Variants in RBFOX1 observed in about 807,000 individuals in gnomAD.
The protein encoded by RBFOX1 is RNA binding protein fox-1 homolog 1.
A neutral mutation model predicts 57.7 loss-of-function variants in RBFOX1; 8 were observed. That is an observed-to-expected ratio of 0.14 (90% confidence interval 0.08 to 0.25). The LOEUF (loss-of-function observed/expected upper bound fraction) is 0.25, where lower values mean the gene tolerates loss of function less well. Among genes scored for constraint, RBFOX1 ranks in the 10% least tolerant of loss-of-function variants. RBFOX1 has a pLI of 1.00. For missense variants in RBFOX1, 611 were observed against 548.5 expected, an observed-to-expected ratio of 1.11 and a Z score of -1.14; for synonymous variants, 326 against 222.4, an observed-to-expected ratio of 1.47 and a Z score of -4.15.
At chr16:6,022,298 A>T (rs1596452256) in intron 1 of RBFOX1, among the ~76,000 whole-genome samples, 1 of 151,904 alleles carries the variant, frequency 6.6e-6, no homozygotes, top group African/African-American at 2.4e-5. Context: ...AATACATAGA[A>T]TATTTTGAAA....
chr16:7,492,246 CAA>C (rs1567480542), intron 4 of RBFOX1, among the ~76,000 whole-genome samples: 1 of 152,068 alleles, frequency 6.6e-6, no homozygotes, highest in Non-Finnish European at 1.5e-5. Context: ...TGTAAAAATT[CAA>C]ATAAAAGGAA....
At chr16:5,525,994 G>A (rs1176852295) in intron 2 of RBFOX1, among the ~76,000 whole-genome samples, 1 of 151,758 alleles carries the variant, frequency 6.6e-6, no homozygotes, top group Non-Finnish European at 1.5e-5. Flanking sequence ...TGGTATCAAG[G>A]CTGGGATAGT....
chr16:5,761,435 C>T (rs1006471420), intron 3 of RBFOX1, among the ~76,000 whole-genome samples: 26 of 152,146 alleles, frequency 1.7e-4, no homozygotes, highest in Admixed American at 2.6e-4. Flanking sequence ...TAAAGACATA[C>T]CCAATACTGG....
chr16:5,710,213 A>C (rs1417612041), intron 3 of RBFOX1, among the ~76,000 whole-genome samples: 1 of 152,002 alleles, frequency 6.6e-6, no homozygotes, highest in African/African-American at 2.4e-5. Flanking sequence ...CTATTTTGTC[A>C]CTTTGCAGAT....
intron 9 of RBFOX1, among the ~76,000 whole-genome samples, chr16:7,605,454 C>G (rs1379679856): frequency 6.6e-6 from 1 of 152,158 alleles, no homozygotes; most frequent in Admixed American, 6.5e-5. Context: ...TTGAGAATCT[C>G]TATTCTGAGA....
intron 4 of RBFOX1, among the ~76,000 whole-genome samples, chr16:7,270,801 T>G (rs1477401351): frequency 6.6e-6 from 1 of 152,192 alleles, no homozygotes; most frequent in Non-Finnish European, 1.5e-5. Flanking sequence ...CTTCCTTCCC[T>G]ATCAACTTTC....
Position 6,857,358 on chromosome 16 carries a change from C to A in RBFOX1, c.-15-194699C>A, listed in dbSNP as rs373147214. Among the ~76,000 whole-genome samples the A allele has an allele frequency of 7.2e-5, 11 of 152,244 alleles. 1 individual carries two copies. Among genetic ancestry groups the A allele is most frequent in the East Asian group, 1.9e-4 (1 of 5,178 alleles). ...GATGTATGGGTAGCATCTAAGTGCT[C>A]ACGTTATTCTTAGTGAATCAGAGGT... On this transcript the variant is annotated intron_variant, in intron 3 of 15. Coordinates refer to ENST00000550418, the MANE Select transcript of RBFOX1 (RefSeq NM_018723.4).
At chr16:7,505,451 G>A (rs140025905) in intron 4 of RBFOX1, among the ~76,000 whole-genome samples, 20 of 152,230 alleles carry the variant, frequency 1.3e-4, no homozygotes, top group Non-Finnish European at 2.6e-4. Flanking sequence ...CACTTGTTCT[G>A]GATGTCGCTC....
At chr16:6,523,372 T>C (rs2096535366) in intron 2 of RBFOX1, among the ~76,000 whole-genome samples, 1 of 152,114 alleles carries the variant, frequency 6.6e-6, no homozygotes, top group Non-Finnish European at 1.5e-5. Context: ...CTGAGGGGCA[T>C]CGGAAGCTGT....
chr16:5,803,460 A>G (rs1039753899), intron 3 of RBFOX1, among the ~76,000 whole-genome samples: 19 of 152,208 alleles, frequency 1.2e-4, no homozygotes, highest in African/African-American at 2.2e-4. Context: ...AACATGGCCC[A>G]GCTTCTGTTT....
At chr16:7,202,891 A>C (rs578215676) in intron 4 of RBFOX1, among the ~76,000 whole-genome samples, 1 of 152,178 alleles carries the variant, frequency 6.6e-6, no homozygotes, top group South Asian at 2.1e-4. Context: ...GCCTCAAAGA[A>C]ATGTTCTTTT....
intron 3 of RBFOX1, among the ~76,000 whole-genome samples, chr16:6,696,282 C>G (rs190699659): frequency 1.3e-5 from 2 of 152,266 alleles, no homozygotes; most frequent in African/African-American, 4.8e-5. Context: ...TTAAACTTAT[C>G]TCCAAACTAA....
intron 1 of RBFOX1, among the ~76,000 whole-genome samples, chr16:6,070,422 C>A (rs1215346263): frequency 6.6e-6 from 1 of 152,180 alleles, no homozygotes; most frequent in Non-Finnish European, 1.5e-5. Context: ...GAATGTAGTT[C>A]ATCAAATTTG....
chr16:6,884,197 C>G (rs948757743), intron 3 of RBFOX1, among the ~76,000 whole-genome samples: 10 of 152,212 alleles, frequency 6.6e-5, no homozygotes, highest in African/African-American at 2.4e-4. Context: ...GGCATGCTTC[C>G]TGGCTCATGT....
At chr16:7,362,110 T>G (rs1330409741) in intron 4 of RBFOX1, among the ~76,000 whole-genome samples, 2 of 151,988 alleles carry the variant, frequency 1.3e-5, no homozygotes, top group African/African-American at 2.4e-5. Context: ...TTAGTGTGTG[T>G]ATGTGTGTGG....
intron 2 of RBFOX1, among the ~76,000 whole-genome samples, chr16:6,565,996 T>TG (rs2097260376): frequency 6.6e-6 from 1 of 152,248 alleles, no homozygotes; most frequent in Admixed American, 6.5e-5. Context: ...CTACTCTATT[T>TG]GTTCTTCATG....
At chr16:7,584,919 G>C (rs1046362037) in intron 6 of RBFOX1, among the ~76,000 whole-genome samples, 4 of 152,156 alleles carry the variant, frequency 2.6e-5, no homozygotes, top group Non-Finnish European at 5.9e-5. Context: ...CTTCAGGGCA[G>C]CTGATGTCAT....
chr16:7,035,016 T>A (rs563836398), intron 3 of RBFOX1, among the ~76,000 whole-genome samples: 2 of 130,720 alleles, frequency 1.5e-5, no homozygotes, highest in East Asian at 8.3e-4. Flanking sequence ...CCTGGCTAAT[T>A]TTTGTATTTT....
chr16:5,429,036 C>T lies in RBFOX1; in HGVS notation c.220-38180C>T, dbSNP rs376950854. Among the ~76,000 whole-genome samples the T allele has an allele frequency of 9.9e-5, 15 of 152,240 alleles. No individual in the cohort carries two copies. In the East Asian group the frequency reaches 1.9e-3, roughly 20 times the overall value. ...AGTACCAGGGAGGTTCCACCCGCTA[C>T]GAAGTTGCTAGGCTCTCCTGGCCCT... On this transcript the variant is annotated intron_variant, in intron 1 of 2. Transcript: ENST00000585867.
Sources: allele counts gnomAD v4.1 joint callset (sites outside exome capture counted in the v4.1 genomes callset), GRCh38; gene constraint gnomAD v4.1.1; transcripts MANE v1.5; gene names NCBI Gene and HGNC (gene_info 2026-07-23, HGNC 2026-07-21).